LLGL2: variants seen among roughly 807,000 people sequenced by gnomAD.
LLGL2 encodes LLGL2, scribble cell polarity complex component.
In LLGL2, 81 loss-of-function variants were observed where a neutral mutation model predicts 123.2. That is an observed-to-expected ratio of 0.66 (90% CI 0.55 to 0.79). The LOEUF is 0.79. LLGL2 is among the 30% of genes least tolerant of loss of function. LLGL2 has a pLI of 0.00. For synonymous variants in LLGL2, 577 were observed against 594.1 expected (o/e 0.97, Z 0.42); for missense variants, 1,273 against 1,414.6 (o/e 0.90, Z 1.61).
chr17:75,531,361 G>A (rs957617278), intron 1 of LLGL2, among the ~76,000 whole-genome samples: 1 of 152,108 alleles, frequency 6.6e-6, no homozygotes, highest in African/African-American at 2.4e-5. Flanking sequence ...GGAGCTATTC[G>A]GCCTTCCTGG....
At chr17:75,569,654 T>A (rs2055605651) in intron 14 of LLGL2, among the ~76,000 whole-genome samples, 2 of 151,962 alleles carry the variant, frequency 1.3e-5, no homozygotes. Flanking sequence ...AATATAAAAA[T>A]TAGCCAGGCA....
At chr17:75,568,419 A>G in intron 10 of LLGL2, 57 bp from the exon 11 acceptor site, 3 of 1,567,462 alleles carry the variant, frequency 1.9e-6, no homozygotes, top group Non-Finnish European at 2.6e-6. Context: ...TTCTGATTCC[A>G]CAGAGCTGGG....
Position 75,559,499 on chromosome 17 carries a change from T to G in LLGL2, c.530+89T>G, listed in dbSNP as rs1414103771. 2 of 1,465,458 alleles carry G rather than the reference T, an allele frequency of 1.4e-6. No homozygotes were observed. Among genetic ancestry groups the G allele is most frequent in the East Asian group, 4.6e-5 (2 of 43,184 alleles). 90.8% of individuals were successfully genotyped at this position (1,465,458 alleles called of 1,614,324 possible). ...GGTCCCAGGACTCTGTCAGGAGCTG[T>G]CATTTCTCTGCTGGGAATTCCATGG... is the stretch of plus-strand genomic sequence containing the variant. On this transcript the variant is annotated intron_variant, in intron 6 of 25. Coordinates refer to ENST00000392550, the MANE Select transcript of LLGL2 (RefSeq NM_001031803.2). The surrounding 1 kb of genome is among the most constrained non-coding windows in gnomAD (Gnocchi z 4.6).
At position 75,558,129 on chromosome 17, in the gene LLGL2, C is replaced by A; in HGVS notation, c.174-26C>A. The A allele has an allele frequency of 6.2e-7, 1 of 1,611,792 alleles. No individual in the cohort carries two copies. The highest frequency in any genetic ancestry group is 8.5e-7 in the Non-Finnish European group (1 of 1,178,186). On this transcript the variant is annotated intron_variant, in intron 3 of 25. Transcript: ENST00000392550. The surrounding 1 kb of genome is among the most constrained non-coding windows in gnomAD (Gnocchi z 4.0). Reference sequence around the variant, plus strand: ...AGGCAGGGGATGGTGTCCGACCTTCCAGAGCTTTCCTGAGCCTACTCCTAG... The same window carrying A: ...AGGCAGGGGATGGTGTCCGACCTTCAAGAGCTTTCCTGAGCCTACTCCTAG...
chr17:75,540,014 G>C (rs574593558), intron 1 of LLGL2, among the ~76,000 whole-genome samples: 1 of 152,226 alleles, frequency 6.6e-6, no homozygotes, highest in South Asian at 2.1e-4. Flanking sequence ...CCAAGCTCTT[G>C]CTCCTTCTAC....
rs2055352448 is a variant in LLGL2, at chr17:75,564,318, GC to G, written c.882-31del. On this transcript the variant is annotated intron_variant, in intron 9 of 25. Coordinates refer to ENST00000392550, the MANE Select transcript of LLGL2 (RefSeq NM_001031803.2). The surrounding 1 kb of genome is among the most constrained non-coding windows in gnomAD (Gnocchi z 4.9). ...TGTGGCTGTTGAGGCTGTGCCAGGA[GC>G]CCCAGCCCACTGCCGCTCCTCTGTG... 2 of 1,575,294 alleles carry G rather than the reference GC, an allele frequency of 1.3e-6. No homozygotes were observed. The highest frequency in any genetic ancestry group is 1.7e-5 in the Admixed American group (1 of 58,608).
rs1252203325 is a variant in LLGL2, at chr17:75,558,746, T to C, written c.371+119T>C. 1 of 782,000 alleles carries C rather than the reference T, an allele frequency of 1.3e-6. No individual in the cohort carries two copies. Among genetic ancestry groups the C allele is most frequent in the African/African-American group, 1.7e-5 (1 of 58,482 alleles). The allele number at this position is 782,000 out of a possible 1,614,324, so 48.4% of individuals were successfully genotyped here. ...CGCCCCTGGCAGTGACTGGCATGCG[T>C]TTGGCCCGATGCATCGCCACACTCA... On this transcript the variant is annotated intron_variant, in intron 5 of 25. Coordinates refer to ENST00000392550, the MANE Select transcript of LLGL2 (RefSeq NM_001031803.2). The surrounding 1 kb of genome is among the most constrained non-coding windows in gnomAD (Gnocchi z 4.0).
chr17:75,574,633 G>A lies in LLGL2; in HGVS notation c.3020G>A (p.Arg1007Gln), dbSNP rs372865631. Residue 1007 changes from arginine (R) to glutamine (Q), a missense_variant, in exon 25 of 26, where the codon CGA (arginine) becomes CAA (glutamine). Physicochemically the swap from Arg to Gln is conservative, Grantham distance 43 (BLOSUM62 1). Coordinates refer to ENST00000392550, the MANE Select transcript of LLGL2 (RefSeq NM_001031803.2). ...DRGSGNWRSH[R>Q]AAVGCSLSNG... ...AGGAGCGGCAACTGGCGTTCACATC[G>A]AGCCGCCGTGGGGTGCAGCCTCAGC... 327 of 1,612,128 alleles carry A rather than the reference G, an allele frequency of 2.0e-4. 1 individual carries two copies. Among genetic ancestry groups the A allele is most frequent in the South Asian group, 2.9e-4 (26 of 91,008 alleles).
intron 7 of LLGL2, 61 bp downstream of exon 7, chr17:75,563,239 A>AT: frequency 6.2e-7 from 1 of 1,609,210 alleles, no homozygotes; most frequent in African/African-American, 1.3e-5. Context: ...CAAGTGGCAC[A>AT]TACACACTGT....
At chr17:75,574,024 G>A (rs772640424) in intron 22 of LLGL2, 44 bp downstream of exon 22, 39 of 1,550,392 alleles carry the variant, frequency 2.5e-5, no homozygotes, top group South Asian at 1.5e-4. Context: ...GGCCACACCC[G>A]GCCCAGACCT....
chr17:75,544,009 C>T lies in LLGL2; in HGVS notation c.75+508C>T, dbSNP rs1477532764. Among the ~76,000 whole-genome samples, 3 of 152,130 alleles carry T rather than the reference C, an allele frequency of 2.0e-5. No homozygotes were observed. Among genetic ancestry groups the T allele is most frequent in the East Asian group, 1.9e-4 (1 of 5,190 alleles). On this transcript the variant is annotated intron_variant, in intron 2 of 25. Transcript: ENST00000392550. This position sits in a 1 kb window ranked among gnomAD's most constrained non-coding sequence, Gnocchi z 4.2. The stretch of plus-strand genomic sequence containing the variant: ...ACACGTGATTCCTTCTGGCTCCGGC[C>T]GGGGTGAGTGGGGAGAGGTGCCCAG...
chr17:75,534,001 C>T (rs975515011), intron 1 of LLGL2, among the ~76,000 whole-genome samples: 1 of 151,792 alleles, frequency 6.6e-6, no homozygotes, highest in African/African-American at 2.4e-5. Context: ...CTTCTTGGGA[C>T]AGCTGTTCCA....
chr17:75,527,598 C>T (rs568048240), intron 1 of LLGL2, among the ~76,000 whole-genome samples: 1 of 149,436 alleles, frequency 6.7e-6, no homozygotes, highest in South Asian at 2.1e-4. Context: ...TTTTTTTAAA[C>T]TAAGTTGACC....
chr17:75,529,111 G>C (rs549279291), intron 1 of LLGL2, among the ~76,000 whole-genome samples: 1 of 150,254 alleles, frequency 6.7e-6, no homozygotes, highest in Non-Finnish European at 1.5e-5. Flanking sequence ...AGCCGAGATC[G>C]TGCGATTGCA....
Position 75,574,201 on chromosome 17 carries a change from T to C in LLGL2, c.2906-12T>C, listed in dbSNP as rs2055867872. On this transcript the variant is annotated splice_polypyrimidine_tract_variant and intron_variant, in intron 22 of 25. Transcript: ENST00000392550. ...CCAGGCGGGGCGCCCTGACCCGGCC[T>C]CTACCTTCCAGAGAAGCAGCCCGGC... 2.0e-6 allele frequency: 3 copies of C among 1,529,150 alleles called. No homozygotes were observed. The South Asian group carries it at 3.7e-5, about 19-fold the overall frequency. 94.7% of individuals were successfully genotyped at this position (1,529,150 alleles called of 1,614,324 possible).
Position 75,571,923 on chromosome 17 carries a change from G to A in LLGL2, c.2319G>A (p.Arg773=). 1.2e-6 allele frequency: 2 copies of A among 1,612,458 alleles called. No homozygotes were observed. Among genetic ancestry groups the A allele is most frequent in the Non-Finnish European group, 1.7e-6 (2 of 1,180,004 alleles). The stretch of plus-strand genomic sequence containing the variant: ...CCAAGGAGATCCAGCTGATGCACCG[G>A]GCGCCGGTGGTGGGCATCCTGGTGC... ...EQAKEIQLMH[R]APVVGILVLD... is the part of the protein sequence containing the mutation. Residue 773 remains arginine (R), a synonymous_variant, in exon 19 of 26, where the codon CGG becomes CGA. Transcript: ENST00000392550.
Position 75,544,045 on chromosome 17 carries a change from C to T in LLGL2, c.75+544C>T, listed in dbSNP as rs545205140. Reference sequence around the variant, plus strand: ...GGGAGAGGTGCCCAGGAGAATGAGCCGGAGTTGGCCTCGGACTACCCCAAT... The same window carrying T: ...GGGAGAGGTGCCCAGGAGAATGAGCTGGAGTTGGCCTCGGACTACCCCAAT... On this transcript the variant is annotated intron_variant, in intron 2 of 25. Coordinates refer to ENST00000392550, the MANE Select transcript of LLGL2 (RefSeq NM_001031803.2). The surrounding 1 kb of genome is among the most constrained non-coding windows in gnomAD (Gnocchi z 4.2). 9.5e-4 allele frequency among the ~76,000 whole-genome samples: 145 copies of T among 152,178 alleles called. 1 individual carries two copies. Among genetic ancestry groups the T allele is most frequent in the Non-Finnish European group, 3.2e-4 (22 of 67,990 alleles).
At position 75,574,951 on chromosome 17, in the gene LLGL2, C is replaced by T. The variant is rs764540023; in HGVS notation, c.*73C>T. ...GCCTTTCGGGGGTCCCTGCCCCAACCGGAGAGGCCGGTGCACAGGGCCCCG... is the reference window on the plus strand; with the variant it reads ...GCCTTTCGGGGGTCCCTGCCCCAACTGGAGAGGCCGGTGCACAGGGCCCCG... On this transcript the variant is annotated 3_prime_UTR_variant, in exon 26 of 26. Coordinates refer to ENST00000392550, the MANE Select transcript of LLGL2 (RefSeq NM_001031803.2). The T allele has an allele frequency of 1.5e-5, 24 of 1,607,886 alleles. No homozygotes were observed. Among genetic ancestry groups the T allele is most frequent in the African/African-American group, 4.0e-5 (3 of 74,788 alleles).
intron 10 of LLGL2, chr17:75,568,183 A>G: frequency 7.6e-7 from 1 of 1,319,238 alleles, no homozygotes; most frequent in Non-Finnish European, 9.7e-7. Context: ...GAGGGTTGGC[A>G]GGCACAGCTG....
Sources: allele counts gnomAD v4.1 joint callset (sites outside exome capture counted in the v4.1 genomes callset), GRCh38; gene constraint gnomAD v4.1.1; non-coding constraint Gnocchi (gnomAD v3.1); transcripts MANE v1.5; gene names NCBI Gene and HGNC (gene_info 2026-07-23, HGNC 2026-07-21).